The following PARP4 variants were observed in gnomAD, a reference collection of about 807,000 sequenced individuals.
PARP4 encodes protein mono-ADP-ribosyltransferase PARP4.
In PARP4, 120 loss-of-function variants were observed where a neutral mutation model predicts 187.7. That is an observed-to-expected ratio of 0.64 (90% CI 0.55 to 0.74). The LOEUF (loss-of-function observed/expected upper bound fraction) is 0.74. Among genes scored for constraint, PARP4 ranks in the 30% least tolerant of loss-of-function variants. The pLI is 0.00. For missense variants in PARP4, 1,836 were observed against 2,070.5 expected (o/e 0.89, Z 2.20); for synonymous variants, 654 against 740.9 (o/e 0.88, Z 1.90).
At chr13:24,486,333 G>A (rs1229160579) in intron 10 of PARP4, 28 bp from the exon 11 acceptor site, 1 of 1,478,328 alleles carries the variant, frequency 6.8e-7, no homozygotes, top group South Asian at 1.2e-5. Flanking sequence ...AAAGCCTTTA[G>A]ATTACATAAT....
chr13:24,490,624 G>A (rs763467617), intron 10 of PARP4, 44 bp downstream of exon 10: 3 of 1,477,140 alleles, frequency 2.0e-6, no homozygotes, highest in Non-Finnish European at 2.8e-6. Context: ...GTCTCAAAGA[G>A]CATTATATTA....
intron 18 of PARP4, 22 bp from the exon 19 acceptor site, chr13:24,459,332 T>G (rs3783078): frequency 6.6e-7 from 1 of 1,504,534 alleles, no homozygotes; most frequent in African/African-American, 1.4e-5. Flanking sequence ...AAAATACATT[T>G]GTATAACTAA....
chr13:24,456,245 G>GC lies in PARP4; in HGVS notation c.2562+95_2562+96insG, dbSNP rs1871845247. 7.2e-6 allele frequency: 7 copies of GC among 975,894 alleles called. No homozygotes were observed. The East Asian group carries it at 1.7e-4, about 24-fold the overall frequency. 60.5% of individuals were successfully genotyped at this position (975,894 alleles called of 1,614,324 possible). On this transcript the variant is annotated intron_variant, in intron 21 of 33. Transcript: ENST00000381989. ...TGTGAGAGTTCATTTTGTAATGCTAGTTTTTCAGGACAATCAATAATTTGC... is the reference window on the plus strand; with the variant it reads ...TGTGAGAGTTCATTTTGTAATGCTAGCTTTTTCAGGACAATCAATAATTTGC...
chr13:24,483,195 A>C (rs1873367726), intron 12 of PARP4, among the ~76,000 whole-genome samples: 2 of 151,886 alleles, frequency 1.3e-5, no homozygotes, highest in African/African-American at 4.8e-5. Flanking sequence ...AATTTTAAAA[A>C]GTTTTTTTTG....
chr13:24,506,236 T>C (rs996703947), intron 1 of PARP4, among the ~76,000 whole-genome samples: 3 of 152,226 alleles, frequency 2.0e-5, no homozygotes, highest in African/African-American at 7.2e-5. Flanking sequence ...ATCCAGAGTT[T>C]GTCCGGAGTT....
rs143981397 is a variant in PARP4 at position 24,441,888 on chromosome 13, G to A, written c.3624C>T (p.Tyr1208=). Residue 1208 remains tyrosine (Y), a synonymous_variant, in exon 30 of 34, where the codon TAC becomes TAT. Transcript: ENST00000381989. Reference sequence around the variant, plus strand: ...CTTGGGGCTCCCCCTGCCAGCTCATGTAGGGCAGGAAGTCTACATCTTCTT... The same window carrying A: ...CTTGGGGCTCCCCCTGCCAGCTCATATAGGGCAGGAAGTCTACATCTTCTT... ...IAKEDVDFLP[Y]MSWQGEPQEA... 470 of 1,607,624 alleles carry A rather than the reference G, an allele frequency of 2.9e-4. 2 individuals carry two copies. The African/African-American group carries it at 5.6e-3, about 19-fold the overall frequency.
intron 14 of PARP4, among the ~76,000 whole-genome samples, 195 bp from the exon 15 acceptor site, chr13:24,475,791 CTTTT>C (rs34628702): frequency 9.5e-5 from 14 of 148,140 alleles, no homozygotes; most frequent in Non-Finnish European, 1.8e-4. Context: ...TGCCTTCTGC[CTTTT>C]TTTTTTTGAG....
rs140855907 is a variant in PARP4, at chr13:24,491,279, C to T, written c.1054-451G>A. Among the ~76,000 whole-genome samples the T allele has an allele frequency of 8.9e-4, 135 of 152,188 alleles. 2 individuals are homozygous for T. Among genetic ancestry groups the T allele is most frequent in the Non-Finnish European group, 1.2e-4 (8 of 68,012 alleles). ...GGGATTACAGGTGCATGCCACCATG[C>T]CTAGCTAACTTCTTGTATTTTTAAT... On this transcript the variant is annotated intron_variant, in intron 9 of 33. Transcript: ENST00000381989.
intron 9 of PARP4, 36 bp from the exon 10 acceptor site, chr13:24,490,864 C>T: frequency 1.9e-6 from 3 of 1,543,614 alleles, no homozygotes; most frequent in Non-Finnish European, 2.7e-6. Flanking sequence ...GTCAGAATCA[C>T]CACATATCAA....
intron 30 of PARP4, among the ~76,000 whole-genome samples, chr13:24,439,775 AT>A (rs964961862): frequency 5.3e-5 from 8 of 151,976 alleles, no homozygotes; most frequent in Non-Finnish European, 7.4e-5. Context: ...GTACATCAGA[AT>A]TTTTTTTTCC....
intron 7 of PARP4, 78 bp downstream of exon 7, chr13:24,494,495 G>C (rs1005385074): frequency 1.5e-6 from 2 of 1,327,364 alleles, no homozygotes; most frequent in East Asian, 5.0e-5. Context: ...GCCTGGCCCA[G>C]TCTTTTATTT....
intron 17 of PARP4, 81 bp downstream of exon 17, chr13:24,468,943 A>G: frequency 9.7e-7 from 1 of 1,036,162 alleles, no homozygotes; most frequent in Non-Finnish European, 1.5e-6. Context: ...CTTAGCCTCT[A>G]GCATGAAATT....
intron 27 of PARP4, among the ~76,000 whole-genome samples, chr13:24,444,785 A>G (rs138540181): frequency 1.2e-4 from 18 of 152,346 alleles, no homozygotes; most frequent in Non-Finnish European, 1.5e-5. Flanking sequence ...TTTGCAGGGA[A>G]TATTTGCATC....
chr13:24,427,200 A>G (rs1309576824), intron 32 of PARP4, among the ~76,000 whole-genome samples: 1 of 152,176 alleles, frequency 6.6e-6, no homozygotes, highest in East Asian at 1.9e-4. Flanking sequence ...TTCAACAGAT[A>G]AACAACAGAT....
chr13:24,480,971 C>T lies in PARP4; in HGVS notation c.1449-2695G>A, dbSNP rs116950451. 4.1e-3 allele frequency among the ~76,000 whole-genome samples: 624 copies of T among 152,366 alleles called. 3 individuals are homozygous for T. The highest frequency in any genetic ancestry group is 0.013 in the South Asian group (64 of 4,830). On this transcript the variant is annotated intron_variant, in intron 12 of 33. Transcript: ENST00000381989. ...AAGAAAATGCCATCTAGGACTTCCA[C>T]AGCCGGAGAGAAGTCAATGGCTGGC...
chr13:24,464,429 G>C (rs746548605), intron 17 of PARP4, among the ~76,000 whole-genome samples: 2 of 152,112 alleles, frequency 1.3e-5, no homozygotes, highest in African/African-American at 2.4e-5. Context: ...AAAACAGCAT[G>C]GTACTGGTAC....
chr13:24,449,204 C>G (rs908213320), intron 25 of PARP4, among the ~76,000 whole-genome samples: 2 of 151,944 alleles, frequency 1.3e-5, no homozygotes, highest in Non-Finnish European at 2.9e-5. Context: ...CTGGCTAACA[C>G]AGTGAAACCC....
At chr13:24,449,618 C>G in intron 25 of PARP4, 100 bp downstream of exon 25, 1 of 689,556 alleles carries the variant, frequency 1.5e-6, no homozygotes, top group Non-Finnish European at 2.5e-6. Context: ...TTTACGGCTC[C>G]CCTCTCATTC....
At chr13:24,449,279 T>C (rs892941513) in intron 25 of PARP4, among the ~76,000 whole-genome samples, 3 of 150,340 alleles carry the variant, frequency 2.0e-5, no homozygotes, top group African/African-American at 7.4e-5. Flanking sequence ...TACCAGCTAG[T>C]TGGGAGGCTG....
Sources: gnomAD v4.1 joint callset for allele counts (sites outside exome capture counted in the v4.1 genomes callset) on GRCh38, gnomAD v4.1.1 for gene constraint, MANE v1.5 for transcripts, NCBI Gene and HGNC (gene_info 2026-07-23, HGNC 2026-07-21) for gene names.